Variants in MPP1 observed in about 807,000 individuals in gnomAD.
MPP1 encodes 55 kDa erythrocyte membrane protein.
MPP1 carries 6 observed loss-of-function variants against 38.2 expected under a neutral mutation model. That is an observed-to-expected ratio of 0.16 (90% CI 0.09 to 0.31). The LOEUF (loss-of-function observed/expected upper bound fraction) is 0.31. Among genes scored for constraint, MPP1 ranks in the 10% least tolerant of loss-of-function variants. MPP1 has a pLI of 1.00. For synonymous variants in MPP1, 153 were observed against 146.3 expected, an observed-to-expected ratio of 1.05 and a Z score of -0.33; for missense variants, 293 against 368.9, an observed-to-expected ratio of 0.79 and a Z score of 1.69.
chrX:154,790,246 G>A (rs1335925931), intron 4 of MPP1, among the ~76,000 whole-genome samples: 2 of 111,461 alleles, frequency 1.8e-5, no homozygotes, highest in African/African-American at 6.5e-5. Flanking sequence ...AGACTTTTCC[G>A]AGCTGGGCAC....
intron 5 of MPP1, among the ~76,000 whole-genome samples, chrX:154,786,757 G>A (rs919353369): frequency 1.8e-5 from 2 of 108,955 alleles, no homozygotes; most frequent in Non-Finnish European, 3.8e-5. Flanking sequence ...TTAGCTGGGT[G>A]TGGTGGCGTG....
intron 1 of MPP1, among the ~76,000 whole-genome samples, chrX:154,795,594 G>A (rs1347993258): frequency 7.2e-5 from 8 of 110,369 alleles, no homozygotes; most frequent in South Asian, 3.9e-4. Context: ...GTAAAACCTC[G>A]TCTCTACAAA....
At chrX:154,797,789 C>G (rs1201894949) in intron 1 of MPP1, among the ~76,000 whole-genome samples, 2 of 111,999 alleles carry the variant, frequency 1.8e-5, no homozygotes, top group Non-Finnish European at 1.9e-5. Context: ...AAATGAAAAA[C>G]TCTTGTTCTG....
intron 11 of MPP1, among the ~76,000 whole-genome samples, chrX:154,779,755 G>A (rs2071968769): frequency 8.9e-6 from 1 of 112,895 alleles, no homozygotes; most frequent in Non-Finnish European, 1.9e-5. Flanking sequence ...GTCTTGCTCT[G>A]TGGCCCAGGC....
intron 4 of MPP1, 37 bp from the exon 5 acceptor site, chrX:154,790,059 C>A: frequency 1.0e-6 from 1 of 966,789 alleles, no homozygotes. Context: ...GTACAGAAAA[C>A]TAAGTTGAAT....
intron 1 of MPP1, among the ~76,000 whole-genome samples, chrX:154,801,786 A>AAAAAAAAAAAAAAAAAAG (rs2072268526): frequency 1.5e-5 from 1 of 67,137 alleles, no homozygotes; most frequent in Non-Finnish European, 2.6e-5. Context: ...AAAAAAAAAA[A>AAAAAAAAAAAAAAAAAAG]CAAAAAACAG....
In MPP1 at chrX:154,800,753, T is replaced by C. The variant is rs782229342; in HGVS notation, c.102+4519A>G. ...GAAGTTAAACTATAAGCATGGACTT[T>C]GGAGTTTGTGCAGGTACATGGAGAG... On this transcript the variant is annotated intron_variant, in intron 1 of 11. Transcript: ENST00000369534. 5.3e-5 allele frequency among the ~76,000 whole-genome samples: 6 copies of C among 112,297 alleles called. No individual in the cohort carries two copies. The East Asian group carries it at 1.7e-3, about 31-fold the overall frequency.
In MPP1 at chrX:154,799,713, G is replaced by A. The variant is rs2072240392; in HGVS notation, c.102+5559C>T. The stretch of plus-strand genomic sequence containing the variant: ...TGGCTCTGTTAAGGATGACTGCTGG[G>A]ATTCAGGAGGAGCCAGGGAATAAAC... On this transcript the variant is annotated intron_variant, in intron 1 of 11. Transcript: ENST00000369534. The A allele has an allele frequency of 3.5e-6, 4 of 1,139,182 alleles. No homozygotes were observed. In the African/African-American group the frequency reaches 7.3e-5, roughly 21 times the overall value. The allele number at this position is 1,139,182 out of a possible 1,213,427, so 93.9% of individuals were successfully genotyped here.
chrX:154,805,361 C>T lies in MPP1; in HGVS notation c.13G>A (p.Ala5Thr). 1 of 1,198,850 alleles carries T rather than the reference C, an allele frequency of 8.3e-7. No individual in the cohort carries two copies. Among genetic ancestry groups the T allele is most frequent in the Non-Finnish European group, 1.1e-6 (1 of 888,156 alleles). The part of the protein sequence containing the change: MTLK[A>T]SEGESGGSMH... ...CTGCCCCCACTCTCGCCCTCGCTCG[C>T]CTTGAGGGTCATCTCGCAGAAGCTG... The change falls in exon 1 of 12, where the codon GCG becomes ACG. Residue 5 changes from alanine (A) to threonine (T), a missense_variant. By Grantham distance (58) the Ala-to-Thr change is moderately conservative (BLOSUM62 0). Transcript: ENST00000369534.
intron 1 of MPP1, among the ~76,000 whole-genome samples, chrX:154,799,016 G>A (rs2072232495): frequency 8.9e-6 from 1 of 111,973 alleles, no homozygotes; most frequent in Non-Finnish European, 1.9e-5. Flanking sequence ...TTACAGGTGT[G>A]AGCCACCATG....
At chrX:154,801,396 A>G (rs1305850603) in intron 1 of MPP1, among the ~76,000 whole-genome samples, 3 of 111,123 alleles carry the variant, frequency 2.7e-5, no homozygotes, top group Non-Finnish European at 5.7e-5. Context: ...TGAAACTCAA[A>G]TCTGCTTAGC....
rs782551298 is a variant in MPP1, at chrX:154,781,625, A to G, written c.1124T>C (p.Ile375Thr). ...TVHQIHKQNK[I>T]AILDIEPQTL... is the part of the protein sequence containing the mutation. ...CTGGGGCTCAATGTCAAGGATGGCA[A>G]TCTTGTTCTGCTTATGGATCTGGTG... Residue 375 changes from isoleucine (I) to threonine (T), a missense_variant, in exon 10 of 12, where the codon ATT (isoleucine) becomes ACT (threonine). Ile to Thr is a moderately conservative substitution (Grantham distance 89). Coordinates refer to ENST00000369534, the MANE Select transcript of MPP1 (RefSeq NM_002436.4). The G allele has an allele frequency of 8.3e-6, 10 of 1,209,178 alleles. No individual in the cohort carries two copies. The highest frequency in any genetic ancestry group is 2.6e-4 in the Middle Eastern group (1 of 3,906).
intron 8 of MPP1, 21 bp from the exon 9 acceptor site, chrX:154,783,528 A>G (rs1557266873): frequency 8.6e-7 from 1 of 1,167,603 alleles, no homozygotes; most frequent in Admixed American, 2.2e-5. Context: ...AGAGAAGAAC[A>G]TCTTTTGGAA....
chrX:154,783,160 A>C (rs2072028765), intron 9 of MPP1: 3 of 152,702 alleles, frequency 2.0e-5, no homozygotes, highest in Non-Finnish European at 3.7e-5. Flanking sequence ...ATAAACTTTA[A>C]TACTTAGTAA....
chrX:154,796,569 T>G (rs1402201704), intron 1 of MPP1, among the ~76,000 whole-genome samples: 4 of 112,338 alleles, frequency 3.6e-5, no homozygotes, highest in African/African-American at 1.3e-4. Context: ...TTGAGCATCT[T>G]GCCATCCCAA....
At chrX:154,796,063 A>G (rs1383647029) in intron 1 of MPP1, among the ~76,000 whole-genome samples, 1 of 110,124 alleles carries the variant, frequency 9.1e-6, no homozygotes, top group Non-Finnish European at 1.9e-5. Context: ...GGAGGGAAAT[A>G]GAAACCCACA....
At chrX:154,788,976 G>C (rs900473491) in intron 5 of MPP1, among the ~76,000 whole-genome samples, 2 of 111,456 alleles carry the variant, frequency 1.8e-5, no homozygotes, top group Non-Finnish European at 3.8e-5. Flanking sequence ...ATTTCAAAAG[G>C]GGGCAAAACT....
intron 9 of MPP1, chrX:154,782,424 CAT>C (rs1366325678): frequency 1.8e-5 from 2 of 111,949 alleles, no homozygotes; most frequent in African/African-American, 6.5e-5. Flanking sequence ...TCTACAACCA[CAT>C]GTGATTCTCT....
chrX:154,785,743 A>G (rs1557267133), intron 6 of MPP1, among the ~76,000 whole-genome samples: 1 of 112,265 alleles, frequency 8.9e-6, no homozygotes, highest in African/African-American at 3.2e-5. Context: ...CCTATGATGT[A>G]ACCAGGACTA....
Sources: allele counts gnomAD v4.1 joint callset (sites outside exome capture counted in the v4.1 genomes callset), GRCh38; gene constraint gnomAD v4.1.1; transcripts MANE v1.5; gene names NCBI Gene and HGNC (gene_info 2026-07-23, HGNC 2026-07-21).